The following ATXN8OS variants were observed in gnomAD, a reference collection of about 807,000 sequenced individuals.
ATXN8OS encodes ATXN8 opposite strand lncRNA, also known as ATXN8 opposite strand (non-protein coding).
At chr13:70,112,515 T>C (rs986246287) in intron 1 of ATXN8OS, among the ~76,000 whole-genome samples, 3 of 152,082 alleles carry the variant, frequency 2.0e-5, no homozygotes, top group African/African-American at 7.2e-5. Flanking sequence ...CACATAACCA[T>C]TCATGGTCTA....
In ATXN8OS at chr13:70,139,672, C is replaced by G. The variant is rs1456332557; in HGVS notation, n.500-7683C>G. On this transcript the variant is annotated intron_variant and non_coding_transcript_variant, in intron 3 of 4. Coordinates refer to ENST00000678624, the Ensembl canonical transcript of ATXN8OS. Reference sequence around the variant, plus strand: ...AAAGAAAATTGTAGCAACCAATATACTTAGTGGAATTTCTCACAGAGTTTG... The same window carrying G: ...AAAGAAAATTGTAGCAACCAATATAGTTAGTGGAATTTCTCACAGAGTTTG... 1.2e-4 allele frequency among the ~76,000 whole-genome samples: 18 copies of G among 152,060 alleles called. 1 individual carries two copies. The highest frequency in any genetic ancestry group is 1.9e-4 in the East Asian group (1 of 5,188).
intron 4 of ATXN8OS, among the ~76,000 whole-genome samples, chr13:70,165,497 A>T (rs1209460751): frequency 1.3e-5 from 2 of 152,044 alleles, no homozygotes; most frequent in East Asian, 3.8e-4. Flanking sequence ...GAATGTAAAT[A>T]TTAAAAGCAG....
chr13:70,110,969 G>T (rs1044554485), intron 1 of ATXN8OS, among the ~76,000 whole-genome samples: 45 of 152,102 alleles, frequency 3.0e-4, no homozygotes, highest in African/African-American at 1.0e-3. Context: ...TTGTTTTAAA[G>T]ACAGAAACTA....
chr13:70,143,977 A>T (rs1888749179), intron 3 of ATXN8OS, among the ~76,000 whole-genome samples: 1 of 152,298 alleles, frequency 6.6e-6, no homozygotes, highest in South Asian at 2.1e-4. Flanking sequence ...GTAAATTAAA[A>T]GATTAGATCA....
intron 4 of ATXN8OS, among the ~76,000 whole-genome samples, chr13:70,151,406 C>T (rs1348832343): frequency 6.6e-6 from 1 of 152,058 alleles, no homozygotes; most frequent in East Asian, 1.9e-4. Flanking sequence ...CTGTGACTGG[C>T]TTATTTCACG....
At chr13:70,126,722 A>G (rs1888442694) in intron 2 of ATXN8OS, among the ~76,000 whole-genome samples, 3 of 151,982 alleles carry the variant, frequency 2.0e-5, no homozygotes, top group East Asian at 1.9e-4. Context: ...TACAGTTTAC[A>G]CATCTATAAA....
intron 4 of ATXN8OS, among the ~76,000 whole-genome samples, chr13:70,154,042 T>C (rs1425076865): frequency 1.3e-5 from 2 of 152,124 alleles, no homozygotes; most frequent in African/African-American, 2.4e-5. Context: ...CATTCTCAAA[T>C]GGTCTCTAGA....
At chr13:70,136,204 T>C (rs1851600660) in intron 3 of ATXN8OS, among the ~76,000 whole-genome samples, 1 of 152,210 alleles carries the variant, frequency 6.6e-6, no homozygotes, top group South Asian at 2.1e-4. Context: ...TCTGGCTATT[T>C]GTTATGAAAT....
intron 1 of ATXN8OS, among the ~76,000 whole-genome samples, chr13:70,111,376 C>A (rs1168400345): frequency 1.3e-5 from 2 of 152,170 alleles, no homozygotes; most frequent in Non-Finnish European, 2.9e-5. Flanking sequence ...CTAGAGGCTG[C>A]ATCTGGTGAA....
chr13:70,153,888 T>C lies in ATXN8OS; in HGVS notation n.573+6460T>C, dbSNP rs1405930607. On this transcript the variant is annotated intron_variant and non_coding_transcript_variant, in intron 4 of 4. Transcript: ENST00000678624. ...TTTTTGTAGAGACACGGTTTTGCCA[T>C]GTTGCCCAAGCTGATCTCAAACTCC... Among the ~76,000 whole-genome samples the C allele has an allele frequency of 2.0e-5, 3 of 152,202 alleles. No individual in the cohort carries two copies. The South Asian group carries it at 6.2e-4, about 32-fold the overall frequency.
chr13:70,164,729 A>C (rs1251507688), intron 4 of ATXN8OS, among the ~76,000 whole-genome samples: 1 of 151,998 alleles, frequency 6.6e-6, no homozygotes, highest in African/African-American at 2.4e-5. Flanking sequence ...AAGACATTAT[A>C]ATGAAACACC....
At chr13:70,113,316 A>T (rs1399645017) in intron 1 of ATXN8OS, among the ~76,000 whole-genome samples, 1 of 152,134 alleles carries the variant, frequency 6.6e-6, no homozygotes, top group African/African-American at 2.4e-5. Context: ...GATAAATGTA[A>T]TATACATATA....
At chr13:70,129,682 T>A (rs1015853542) in intron 2 of ATXN8OS, 5 of 396,930 alleles carry the variant, frequency 1.3e-5, no homozygotes, top group African/African-American at 2.1e-5. Context: ...AATGTTCTTA[T>A]AAGTAGAATT....
rs149723144 is a variant in ATXN8OS at position 70,126,878 on chromosome 13, TAG to T, written n.399-2903_399-2902del. On this transcript the variant is annotated intron_variant and non_coding_transcript_variant, in intron 2 of 4. Coordinates refer to ENST00000678624, the Ensembl canonical transcript of ATXN8OS. The stretch of plus-strand genomic sequence containing the variant: ...AACAGATACAGAGTTTACACATTTA[TAG>T]AGTTTTCTATAGATAACTCTGTATC... 4.6e-3 allele frequency among the ~76,000 whole-genome samples: 700 copies of T among 151,878 alleles called. 6 individuals are homozygous for T. Among genetic ancestry groups the T allele is most frequent in the African/African-American group, 0.016 (669 of 41,544 alleles).
chr13:70,126,376 T>C (rs1249465308), intron 2 of ATXN8OS, among the ~76,000 whole-genome samples: 1 of 152,110 alleles, frequency 6.6e-6, no homozygotes, highest in East Asian at 1.9e-4. Flanking sequence ...AAGGAATTCA[T>C]GGTAGGATAT....
chr13:70,119,005 A>G (rs1211709916), intron 2 of ATXN8OS, among the ~76,000 whole-genome samples: 1 of 152,052 alleles, frequency 6.6e-6, no homozygotes, highest in African/African-American at 2.4e-5. Flanking sequence ...ACCACTGAAT[A>G]TTTCAATAAA....
At chr13:70,163,849 T>C (rs1343017915) in intron 4 of ATXN8OS, among the ~76,000 whole-genome samples, 1 of 151,144 alleles carries the variant, frequency 6.6e-6, no homozygotes, top group Non-Finnish European at 1.5e-5. Flanking sequence ...CCACCACTCT[T>C]CTTGTTTTAG....
At chr13:70,113,044 T>C (rs1156552837) in intron 1 of ATXN8OS, among the ~76,000 whole-genome samples, 1 of 150,276 alleles carries the variant, frequency 6.7e-6, no homozygotes, top group African/African-American at 2.4e-5. Flanking sequence ...TGCCTCAGCC[T>C]CCCAAGTAGC....
chr13:70,158,350 G>A (rs1888962873), intron 4 of ATXN8OS, among the ~76,000 whole-genome samples: 1 of 152,120 alleles, frequency 6.6e-6, no homozygotes, highest in South Asian at 2.1e-4. Flanking sequence ...CCTGGGAGGC[G>A]GAGCTTGCAA....
Sources: allele counts gnomAD v4.1 joint callset (sites outside exome capture counted in the v4.1 genomes callset), GRCh38; gene constraint gnomAD v4.1.1; transcripts MANE v1.5; gene names NCBI Gene and HGNC (gene_info 2026-07-23, HGNC 2026-07-21).